Variants in PSMG2 observed in about 807,000 individuals in gnomAD.
PSMG2 encodes CD40 ligand-activated specific transcript 3.
Under a neutral mutation model 31.5 loss-of-function variants are expected in PSMG2, and 21 were observed. The observed-to-expected ratio is 0.67, with a 90% CI of 0.47 to 0.96. PSMG2 has a LOEUF of 0.96. PSMG2 is among the 40% of genes least tolerant of loss of function. The probability of loss-of-function intolerance (pLI) is 0.00; values close to 1 mark genes in which losing one functional copy is unlikely to be tolerated. For missense variants in PSMG2, 318 were observed against 321.2 expected, an observed-to-expected ratio of 0.99 and a Z score of 0.08; for synonymous variants, 120 against 110.4, an observed-to-expected ratio of 1.09 and a Z score of -0.54.
intron 1 of PSMG2, chr18:12,674,542 CAT>C (rs752449549): frequency 2.0e-5 from 32 of 1,611,738 alleles, no homozygotes; most frequent in East Asian, 2.2e-5. Flanking sequence ...TTACCGAAGA[CAT>C]GTGGCAAATG....
intron 1 of PSMG2, among the ~76,000 whole-genome samples, chr18:12,669,933 G>GCGGTGAGCCGAGA (rs2038899284): frequency 1.3e-5 from 2 of 149,454 alleles, no homozygotes; most frequent in African/African-American, 4.9e-5. Flanking sequence ...GGAGGCGGAG[G>GCGGTGAGCCGAGA]TTGCGGTGAG....
chr18:12,664,340 G>T (rs1444994072), intron 1 of PSMG2, among the ~76,000 whole-genome samples: 1 of 151,836 alleles, frequency 6.6e-6, no homozygotes, highest in African/African-American at 2.4e-5. Context: ...CCAGGAGATC[G>T]AGACCATCCT....
intron 1 of PSMG2, among the ~76,000 whole-genome samples, chr18:12,675,153 T>A (rs1352136388): frequency 6.6e-6 from 1 of 152,100 alleles, no homozygotes; most frequent in Non-Finnish European, 1.5e-5. Flanking sequence ...TCCCAGCAGT[T>A]TGGGAGGCTG....
intron 1 of PSMG2, among the ~76,000 whole-genome samples, chr18:12,681,532 G>A (rs1224598743): frequency 6.6e-6 from 1 of 152,028 alleles, no homozygotes; most frequent in African/African-American, 2.4e-5. Flanking sequence ...TTACAGGCAT[G>A]AGCTCCTGTG....
intron 2 of PSMG2, 37 bp from the exon 3 acceptor site, chr18:12,712,665 A>G (rs561780151): frequency 6.9e-7 from 1 of 1,446,252 alleles, no homozygotes; most frequent in African/African-American, 1.4e-5. Context: ...GTATAACTTC[A>G]CTGTCATATG....
intron 1 of PSMG2, chr18:12,673,304 TAA>T: frequency 6.4e-7 from 1 of 1,550,882 alleles, no homozygotes; most frequent in Non-Finnish European, 8.6e-7. Context: ...AATAGCTAAG[TAA>T]TGTACAATGT....
chr18:12,681,962 C>T (rs1178244856), intron 1 of PSMG2, among the ~76,000 whole-genome samples: 1 of 150,900 alleles, frequency 6.6e-6, no homozygotes, highest in East Asian at 1.9e-4. Flanking sequence ...TGCCACTGCA[C>T]TCCAGCCTGG....
At chr18:12,700,610 C>T (rs895885206), upstream of PSMG2, among the ~76,000 whole-genome samples, 18 of 151,954 alleles carry the variant, frequency 1.2e-4, no homozygotes, top group African/African-American at 3.6e-4. Flanking sequence ...TTTAAAAATA[C>T]GCTTAATCTA....
At position 12,706,606 on chromosome 18, in the gene PSMG2, A is replaced by G. The variant is rs144583231; in HGVS notation, c.114A>G (p.Thr38=). Residue 38 remains threonine, a synonymous_variant, in exon 2 of 7, where the codon ACA becomes ACG. Coordinates refer to ENST00000317615, the MANE Select transcript of PSMG2 (RefSeq NM_020232.5). ...GQLAMDLIIS[T]LNMSKIGYFY... ...TTGCAATGGATCTGATTATTTCTAC[A>G]CTGAATATGTCTAAGATTGGTTACT... 3.3e-5 allele frequency: 53 copies of G among 1,613,988 alleles called. No individual in the cohort carries two copies. The highest frequency in any genetic ancestry group is 1.7e-5 in the Admixed American group (1 of 59,970).
intron 1 of PSMG2, chr18:12,674,592 C>A: frequency 6.2e-7 from 1 of 1,614,058 alleles, no homozygotes; most frequent in South Asian, 1.1e-5. Flanking sequence ...GTATTGGGAA[C>A]CCTTTAAATG....
intron 1 of PSMG2, among the ~76,000 whole-genome samples, chr18:12,677,816 C>G (rs1184405520): frequency 6.6e-6 from 1 of 152,034 alleles, no homozygotes; most frequent in African/African-American, 2.4e-5. Flanking sequence ...AAGACAAAAT[C>G]CAAATAGTGG....
intron 1 of PSMG2, among the ~76,000 whole-genome samples, chr18:12,678,616 T>C (rs1002186771): frequency 6.6e-6 from 1 of 152,156 alleles, no homozygotes; most frequent in Admixed American, 6.6e-5. Flanking sequence ...AATTGTATGG[T>C]ACGTCTTTAC....
At position 12,705,562 on chromosome 18, in the gene PSMG2, A is replaced by T. The variant is rs1230202281; in HGVS notation, c.58-988A>T. Among the ~76,000 whole-genome samples the T allele has an allele frequency of 4.5e-4, 59 of 131,160 alleles. 1 individual carries two copies. Among genetic ancestry groups the T allele is most frequent in the African/African-American group, 1.7e-3 (58 of 33,432 alleles). The allele number at this position is 131,160 out of a possible 152,430, so 86.0% of individuals were successfully genotyped here. On this transcript the variant is annotated intron_variant, in intron 1 of 6. Coordinates refer to ENST00000317615, the MANE Select transcript of PSMG2 (RefSeq NM_020232.5). The stretch of plus-strand genomic sequence containing the variant: ...ATGGGAAAAAGAGAGAGAGAGAGAG[A>T]GAGAGAGAGAGAGAGTGTGTGTGTG...
intron 1 of PSMG2, chr18:12,672,671 A>G (rs1300083851): frequency 1.0e-6 from 1 of 979,474 alleles, no homozygotes; most frequent in East Asian, 1.1e-4. Context: ...CATAACAAAG[A>G]GGTATAATAA....
At chr18:12,672,926 T>C in intron 1 of PSMG2, 11 of 983,904 alleles carry the variant, frequency 1.1e-5, no homozygotes, top group Non-Finnish European at 1.3e-5. Flanking sequence ...TAAATAAATC[T>C]GTCATGAGGT....
intron 1 of PSMG2, among the ~76,000 whole-genome samples, chr18:12,687,033 G>C (rs2039563658): frequency 6.6e-6 from 1 of 152,154 alleles, no homozygotes; most frequent in Non-Finnish European, 1.5e-5. Flanking sequence ...TCCTGGTGTT[G>C]GTGCTGAATA....
chr18:12,701,457 A>C (rs2040147017), upstream of PSMG2, among the ~76,000 whole-genome samples: 1 of 152,166 alleles, frequency 6.6e-6, no homozygotes, highest in Non-Finnish European at 1.5e-5. Flanking sequence ...TGATAAGGGA[A>C]TCTTACCAGC....
intron 1 of PSMG2, among the ~76,000 whole-genome samples, chr18:12,671,587 CTTT>C (rs975871671): frequency 7.0e-6 from 1 of 142,494 alleles, no homozygotes; most frequent in Non-Finnish European, 1.5e-5. Context: ...TCACTTAACA[CTTT>C]TTTTAATATA....
intron 1 of PSMG2, among the ~76,000 whole-genome samples, chr18:12,674,000 T>C (rs1360828568): frequency 6.6e-6 from 1 of 152,200 alleles, no homozygotes; most frequent in Non-Finnish European, 1.5e-5. Flanking sequence ...AAATCAGAGA[T>C]ACCTGAGACT....
Sources: allele counts gnomAD v4.1 joint callset (sites outside exome capture counted in the v4.1 genomes callset), GRCh38; gene constraint gnomAD v4.1.1; transcripts MANE v1.5; gene names NCBI Gene and HGNC (gene_info 2026-07-23, HGNC 2026-07-21).